MIPOL1: variants seen among roughly 807,000 people sequenced by gnomAD.
The protein encoded by MIPOL1 is mirror-image polydactyly gene 1 protein.
A neutral mutation model predicts 60.9 loss-of-function variants in MIPOL1; 57 were observed. The observed-to-expected ratio is 0.94, with a 90% CI of 0.76 to 1.17. The LOEUF is 1.17. Ranked by LOEUF, MIPOL1 falls within the 50% of genes most tolerant of loss-of-function variation. The pLI is 0.00. For synonymous variants in MIPOL1, 179 were observed against 168.8 expected (o/e 1.06, Z -0.47); for missense variants, 551 against 511.6 (o/e 1.08, Z -0.74).
chr14:37,356,242 C>T (rs2091812792), intron 9 of MIPOL1, among the ~76,000 whole-genome samples: 1 of 151,668 alleles, frequency 6.6e-6, no homozygotes, highest in Admixed American at 6.6e-5. Flanking sequence ...CAGGGACCCA[C>T]TTGAGGAGTC....
At chr14:37,381,757 T>A (rs569664241) in intron 10 of MIPOL1, among the ~76,000 whole-genome samples, 5 of 151,772 alleles carry the variant, frequency 3.3e-5, no homozygotes, top group African/African-American at 9.7e-5. Context: ...TAATTTTTTT[T>A]TTTTTTATTT....
chr14:37,275,496 T>C (rs2153397960), intron 6 of MIPOL1, among the ~76,000 whole-genome samples: 1 of 151,420 alleles, frequency 6.6e-6, no homozygotes, highest in African/African-American at 2.4e-5. Flanking sequence ...ATTAATTTGC[T>C]CTTATATCAG....
chr14:37,442,088 TTGTGTGTGTGTGTG>T (rs3985271), intron 11 of MIPOL1, among the ~76,000 whole-genome samples: 59 of 143,812 alleles, frequency 4.1e-4, no homozygotes, highest in East Asian at 2.3e-3. Flanking sequence ...TTCTACTTTG[TTGTGTGTGTGTGTG>T]TGTGTGTGTG....
chr14:37,222,442 A>T (rs1365610364), intron 1 of MIPOL1, among the ~76,000 whole-genome samples: 1 of 150,066 alleles, frequency 6.7e-6, no homozygotes, highest in Non-Finnish European at 1.5e-5. Flanking sequence ...TGTTGCCCAG[A>T]TTGGTTGAAA....
chr14:37,546,321 TTAGTATCAAA>T (rs2095547405), intron 12 of MIPOL1, among the ~76,000 whole-genome samples: 1 of 152,204 alleles, frequency 6.6e-6, no homozygotes, highest in Non-Finnish European at 1.5e-5. Context: ...TCTGGTTTTA[TTAGTATCAAA>T]TCATTGTGTA....
chr14:37,375,507 C>T (rs2092751686), intron 10 of MIPOL1, among the ~76,000 whole-genome samples: 1 of 152,066 alleles, frequency 6.6e-6, no homozygotes, highest in Admixed American at 6.6e-5. Flanking sequence ...TATTAATTTA[C>T]CTTCCTACTC....
Position 37,492,178 on chromosome 14 carries a change from T to C in MIPOL1, c.1032-7730T>C, listed in dbSNP as rs1160741226. On this transcript the variant is annotated intron_variant, in intron 11 of 12. Transcript: ENST00000684589. ...CTTGAAAGGGTCTTAGCAAATTAATTGATGTAGTAAACCAGGAAATAAAAG... is the reference window on the plus strand; with the variant it reads ...CTTGAAAGGGTCTTAGCAAATTAATCGATGTAGTAAACCAGGAAATAAAAG... 3.3e-5 allele frequency among the ~76,000 whole-genome samples: 5 copies of C among 152,298 alleles called. No individual in the cohort carries two copies. In the South Asian group the frequency reaches 1.0e-3, roughly 32 times the overall value.
intron 7 of MIPOL1, among the ~76,000 whole-genome samples, chr14:37,289,691 T>C (rs142060492): frequency 3.3e-5 from 5 of 152,304 alleles, no homozygotes; most frequent in African/African-American, 1.2e-4. Context: ...TCCTGTTCTT[T>C]TGGGCCTTTA....
intron 11 of MIPOL1, among the ~76,000 whole-genome samples, chr14:37,426,594 T>TATATATATATATACACAC (rs1447990257): frequency 8.0e-6 from 1 of 125,434 alleles, no homozygotes; most frequent in Non-Finnish European, 1.6e-5. Context: ...TATATATATA[T>TATATATATATATACACAC]ACACACACAC....
intron 1 of MIPOL1, among the ~76,000 whole-genome samples, chr14:37,204,105 AACG>A (rs1313884286): frequency 1.4e-5 from 1 of 69,950 alleles, no homozygotes; most frequent in Non-Finnish European, 3.1e-5. Flanking sequence ...TAATCCTGCC[AACG>A]ACCACCGAGA....
rs146082506 is a variant in MIPOL1 at position 37,390,074 on chromosome 14, C to A, written c.936+20450C>A. Among the ~76,000 whole-genome samples the A allele has an allele frequency of 1.5e-4, 23 of 151,880 alleles. No individual in the cohort carries two copies. In the East Asian group the frequency reaches 3.5e-3, roughly 23 times the overall value. On this transcript the variant is annotated intron_variant, in intron 10 of 12. Transcript: ENST00000684589. ...TATATGTATATATACAAAAAATTAGCCAGGCATGGTGGTGGGCACCTGTAA... is the reference window on the plus strand; with the variant it reads ...TATATGTATATATACAAAAAATTAGACAGGCATGGTGGTGGGCACCTGTAA...
chr14:37,368,903 G>C (rs2092559805), intron 9 of MIPOL1, among the ~76,000 whole-genome samples: 2 of 151,812 alleles, frequency 1.3e-5, no homozygotes, highest in Non-Finnish European at 1.5e-5. Flanking sequence ...AGGTGAAAGT[G>C]GTCATTTCAC....
chr14:37,272,041 G>A (rs1333074409), intron 6 of MIPOL1, among the ~76,000 whole-genome samples: 1 of 150,866 alleles, frequency 6.6e-6, no homozygotes, highest in Non-Finnish European at 1.5e-5. Context: ...TTTGAATCAG[G>A]CATTCATAAC....
At chr14:37,536,084 T>C (rs571286535) in intron 12 of MIPOL1, among the ~76,000 whole-genome samples, 1 of 152,230 alleles carries the variant, frequency 6.6e-6, no homozygotes, top group Admixed American at 6.5e-5. Flanking sequence ...AGTTTTTACA[T>C]AGCGAAATAG....
At chr14:37,336,758 A>AT (rs1335925909) in intron 9 of MIPOL1, among the ~76,000 whole-genome samples, 1 of 151,200 alleles carries the variant, frequency 6.6e-6, no homozygotes, top group Non-Finnish European at 1.5e-5. Context: ...CTTTTTAAAA[A>AT]TTTTTTTATT....
At chr14:37,220,708 T>C (rs148236321) in intron 1 of MIPOL1, among the ~76,000 whole-genome samples, 1 of 152,314 alleles carries the variant, frequency 6.6e-6, no homozygotes, top group African/African-American at 2.4e-5. Context: ...TAATTTCTAT[T>C]GTCTTTATTT....
intron 9 of MIPOL1, among the ~76,000 whole-genome samples, chr14:37,361,261 G>A (rs970420532): frequency 3.3e-5 from 5 of 152,306 alleles, no homozygotes; most frequent in Non-Finnish European, 7.4e-5. Flanking sequence ...TTTAGAATAA[G>A]TGCAATGTGG....
rs73257992 is a variant in MIPOL1, at chr14:37,331,160, G to T, written c.828+22641G>T. ...GCTTTGTAGCATAATTTGAAGTCAGGTCATATAATGCCTGAAGCTTTATTC... is the reference window on the plus strand; with the variant it reads ...GCTTTGTAGCATAATTTGAAGTCAGTTCATATAATGCCTGAAGCTTTATTC... On this transcript the variant is annotated intron_variant, in intron 9 of 12. Coordinates refer to ENST00000684589, the MANE Select transcript of MIPOL1 (RefSeq NM_001388067.1). Among the ~76,000 whole-genome samples, 83 of 151,882 alleles carry T rather than the reference G, an allele frequency of 5.5e-4. 1 individual carries two copies. Among genetic ancestry groups the T allele is most frequent in the African/African-American group, 2.0e-3 (82 of 41,412 alleles).
chr14:37,284,579 G>A (rs1199291531), intron 6 of MIPOL1, among the ~76,000 whole-genome samples: 1 of 151,814 alleles, frequency 6.6e-6, no homozygotes, highest in African/African-American at 2.4e-5. Context: ...TCCTGACCTG[G>A]TGATCCACCT....
Sources: gnomAD v4.1 joint callset for allele counts (sites outside exome capture counted in the v4.1 genomes callset) on GRCh38, gnomAD v4.1.1 for gene constraint, MANE v1.5 for transcripts, NCBI Gene and HGNC (gene_info 2026-07-23, HGNC 2026-07-21) for gene names.